The following PHC3 variants were observed in gnomAD, a reference collection of about 807,000 sequenced individuals.
The protein encoded by PHC3 is polyhomeotic homolog 3.
A neutral mutation model predicts 107.4 loss-of-function variants in PHC3; 13 were observed. That is an observed-to-expected ratio of 0.12 (90% CI 0.08 to 0.19). The LOEUF is 0.19. Ranked by LOEUF, PHC3 falls within the 10% of genes least tolerant of loss-of-function variation. The pLI, the probability that PHC3 is intolerant of heterozygous loss-of-function variation, is 1.00. For missense variants in PHC3, 992 were observed against 1,210.9 expected (o/e 0.82, Z 2.68); for synonymous variants, 456 against 427.4 (o/e 1.07, Z -0.83).
chr3:170,110,334 A>G (rs762547608), intron 11 of PHC3, among the ~76,000 whole-genome samples: 7 of 152,024 alleles, frequency 4.6e-5, no homozygotes, highest in Non-Finnish European at 1.0e-4. Context: ...TCTGCCAGTC[A>G]TACTTCCCAC....
At chr3:170,159,111 C>T (rs1357524359) in intron 4 of PHC3, among the ~76,000 whole-genome samples, 1 of 151,346 alleles carries the variant, frequency 6.6e-6, no homozygotes, top group Non-Finnish European at 1.5e-5. Flanking sequence ...ATTAGCAGGG[C>T]GTGGTGGCAG....
At chr3:170,139,921 T>C (rs1235804830) in intron 6 of PHC3, among the ~76,000 whole-genome samples, 1 of 152,148 alleles carries the variant, frequency 6.6e-6, no homozygotes, top group Non-Finnish European at 1.5e-5. Context: ...ACCTTTCCTT[T>C]GATCAAGTTA....
At chr3:170,170,730 G>C (rs1485817650) in intron 4 of PHC3, 1 of 152,108 alleles carries the variant, frequency 6.6e-6, no homozygotes, top group Non-Finnish European at 1.5e-5. Context: ...AATCTGAGTA[G>C]AGTAGATACA....
chr3:170,113,944 A>G (rs1466866296), intron 10 of PHC3, among the ~76,000 whole-genome samples: 2 of 152,122 alleles, frequency 1.3e-5, no homozygotes, highest in African/African-American at 4.8e-5. Context: ...TTTTAACTTT[A>G]AAAAGTCTAC....
At chr3:170,099,240 G>T (rs150283937) in intron 14 of PHC3, among the ~76,000 whole-genome samples, 2 of 152,214 alleles carry the variant, frequency 1.3e-5, no homozygotes, top group African/African-American at 4.8e-5. Flanking sequence ...TCTTGTAGGT[G>T]AACAGTAAAT....
intron 2 of PHC3, among the ~76,000 whole-genome samples, chr3:170,173,450 G>A (rs1175596527): frequency 1.3e-5 from 2 of 152,102 alleles, no homozygotes; most frequent in Non-Finnish European, 2.9e-5. Flanking sequence ...AGAATTCAGG[G>A]CTTGGGTGTG....
In PHC3 at chr3:170,113,468, A is replaced by C. The variant is rs1379108810; in HGVS notation, c.2245T>G (p.Leu749Val). ...ACTGAATTTATCACCTGATTATCCAAAAGAGGCCGTTTTTTCACAGGCTGT... is the reference window on the plus strand; with the variant it reads ...ACTGAATTTATCACCTGATTATCCACAAGAGGCCGTTTTTTCACAGGCTGT... ...IEQPVKKRPL[L>V]DNQVINSVCV... The change falls in exon 11 of 15, where the codon TTG becomes GTG. Residue 749 changes from leucine to valine, a missense_variant. Physicochemically the swap from Leu to Val is conservative, Grantham distance 32. Coordinates refer to ENST00000495893, the MANE Select transcript of PHC3 (RefSeq NM_024947.4). The C allele has an allele frequency of 1.2e-6, 2 of 1,612,666 alleles. No individual in the cohort carries two copies. Among genetic ancestry groups the C allele is most frequent in the African/African-American group, 2.7e-5 (2 of 74,886 alleles).
chr3:170,123,970 C>A (rs1720859759), intron 8 of PHC3, among the ~76,000 whole-genome samples: 1 of 151,756 alleles, frequency 6.6e-6, no homozygotes, highest in South Asian at 2.1e-4. Context: ...GCTCAGCCAC[C>A]CCGAGTAGCT....
At chr3:170,169,223 C>T (rs1729210953) in intron 4 of PHC3, among the ~76,000 whole-genome samples, 1 of 152,086 alleles carries the variant, frequency 6.6e-6, no homozygotes, top group Non-Finnish European at 1.5e-5. Context: ...TACTCTAAGC[C>T]CCAACTACCT....
chr3:170,163,861 C>CA (rs200514068), intron 4 of PHC3, among the ~76,000 whole-genome samples: 2,471 of 83,562 alleles, frequency 0.03, 7 homozygotes, highest in Non-Finnish European at 0.037. Flanking sequence ...AGACTCTGTC[C>CA]AAAAAAAAAA....
chr3:170,129,418 G>T lies in PHC3; in HGVS notation c.1054C>A (p.Gln352Lys). 6.2e-7 allele frequency: 1 copy of T among 1,613,960 alleles called. No homozygotes were observed. The highest frequency in any genetic ancestry group is 2.2e-5 in the East Asian group (1 of 44,888). ...QQQQIQPITL[Q>K]NSTQDPPPSQ... is the part of the protein sequence containing the mutation. Reference sequence around the variant, plus strand: ...GGGGGTGGGTCTTGAGTTGAATTCTGAAGTGTGATTGGCTGAATTTGCTGT... The same window carrying T: ...GGGGGTGGGTCTTGAGTTGAATTCTTAAGTGTGATTGGCTGAATTTGCTGT... Residue 352 changes from glutamine (Q) to lysine (K), a missense_variant, in exon 8 of 15, where the codon CAG becomes AAG. Around this residue, in one of 6 missense-constraint regions of PHC3, gnomAD observed 543 missense variants for 590.8 expected, o/e 0.92. Coordinates refer to ENST00000495893, the MANE Select transcript of PHC3 (RefSeq NM_024947.4).
At chr3:170,112,234 C>T (rs1046562327) in intron 11 of PHC3, among the ~76,000 whole-genome samples, 2 of 151,526 alleles carry the variant, frequency 1.3e-5, no homozygotes, top group South Asian at 2.1e-4. Context: ...TTTTTTGAGA[C>T]GGAATCTAGC....
chr3:170,126,908 G>A (rs972322127), intron 8 of PHC3, among the ~76,000 whole-genome samples: 1 of 151,698 alleles, frequency 6.6e-6, no homozygotes, highest in African/African-American at 2.4e-5. Flanking sequence ...AATATATAAG[G>A]ACTATAAAGA....
intron 4 of PHC3, chr3:170,169,772 A>G (rs561266554): frequency 2.0e-5 from 3 of 150,174 alleles, no homozygotes; most frequent in East Asian, 1.9e-4. Flanking sequence ...TCAAAATAAC[A>G]TATCTATACA....
At chr3:170,137,018 A>T (rs1723198566) in intron 6 of PHC3, among the ~76,000 whole-genome samples, 1 of 152,180 alleles carries the variant, frequency 6.6e-6, no homozygotes, top group Non-Finnish European at 1.5e-5. Flanking sequence ...ATATACAGAC[A>T]GTGTGTGTAT....
intron 7 of PHC3, 188 bp downstream of exon 7, chr3:170,136,231 C>A (rs1409815371): frequency 2.1e-5 from 13 of 624,978 alleles, no homozygotes; most frequent in Admixed American, 3.6e-5. Flanking sequence ...TATATTGTTA[C>A]AATTTATTTT....
intron 7 of PHC3, among the ~76,000 whole-genome samples, chr3:170,136,127 A>C (rs1443723945): frequency 2.0e-5 from 3 of 152,196 alleles, no homozygotes; most frequent in Non-Finnish European, 4.4e-5. Flanking sequence ...ACTACAGGCA[A>C]ATCTTTTTTT....
At chr3:170,121,572 C>T (rs991776272) in intron 9 of PHC3, among the ~76,000 whole-genome samples, 1 of 152,092 alleles carries the variant, frequency 6.6e-6, no homozygotes, top group Non-Finnish European at 1.5e-5. Flanking sequence ...CTCTGTTGTA[C>T]AGGCTGAACT....
rs149777200 is a variant in PHC3, at chr3:170,108,623, C to A, written c.2354-1677G>T. Among the ~76,000 whole-genome samples, 336 of 152,202 alleles carry A rather than the reference C, an allele frequency of 2.2e-3. 1 individual carries two copies. Among genetic ancestry groups the A allele is most frequent in the African/African-American group, 7.9e-3 (328 of 41,530 alleles). On this transcript the variant is annotated intron_variant, in intron 11 of 14. Transcript: ENST00000495893. ...CTTCCAACGGCCCAGTCAGGAGATC[C>A]ACCAACACATTCCTGAGACCTGAAA...
Sources: gnomAD v4.1 joint callset for allele counts (sites outside exome capture counted in the v4.1 genomes callset) on GRCh38, gnomAD v4.1.1 for gene constraint, gnomAD v4.1.1 regional missense constraint, MANE v1.5 for transcripts, NCBI Gene and HGNC (gene_info 2026-07-23, HGNC 2026-07-21) for gene names.